SLC35F1: variants seen among roughly 807,000 people sequenced by gnomAD.
SLC35F1 encodes chromosome 6 open reading frame 169.
Under a neutral mutation model 48.7 loss-of-function variants are expected in SLC35F1, and 14 were observed. The observed-to-expected ratio is 0.29, with a 90% CI of 0.19 to 0.45. The LOEUF is 0.45. Among genes scored for constraint, SLC35F1 ranks in the 20% least tolerant of loss-of-function variants. SLC35F1 has a pLI of 1.00. For synonymous variants in SLC35F1, 190 were observed against 202.2 expected, an observed-to-expected ratio of 0.94 and a Z score of 0.51; for missense variants, 404 against 500.0, an observed-to-expected ratio of 0.81 and a Z score of 1.83.
chr6:118,229,572 T>C (rs1775262583), intron 2 of SLC35F1, among the ~76,000 whole-genome samples: 2 of 152,120 alleles, frequency 1.3e-5, no homozygotes, highest in South Asian at 4.1e-4. Flanking sequence ...CAAAAGAAAA[T>C]ATTGCAATGC....
At chr6:118,017,718 G>A (rs115017178) in intron 1 of SLC35F1, among the ~76,000 whole-genome samples, 229 of 152,262 alleles carry the variant, frequency 1.5e-3, no homozygotes, top group African/African-American at 5.3e-3. Flanking sequence ...TCTAAGTTAA[G>A]TTCCCTTTTA....
chr6:118,106,292 A>G (rs903337124), intron 1 of SLC35F1, among the ~76,000 whole-genome samples: 2 of 152,020 alleles, frequency 1.3e-5, no homozygotes, highest in Non-Finnish European at 1.5e-5. Flanking sequence ...TGTATACTCA[A>G]TGTCTTTCTT....
intron 3 of SLC35F1, among the ~76,000 whole-genome samples, chr6:118,262,348 A>G (rs562023012): frequency 2.6e-5 from 4 of 152,274 alleles, no homozygotes; most frequent in Non-Finnish European, 5.9e-5. Context: ...ATTAAAGGCC[A>G]CAGAGAAAGG....
chr6:118,220,159 A>G (rs1775128444), intron 2 of SLC35F1, among the ~76,000 whole-genome samples: 1 of 152,186 alleles, frequency 6.6e-6, no homozygotes, highest in Non-Finnish European at 1.5e-5. Flanking sequence ...TAGAACTTAA[A>G]GTATAATAAT....
At chr6:118,203,153 C>T (rs540028346) in intron 2 of SLC35F1, among the ~76,000 whole-genome samples, 1 of 152,334 alleles carries the variant, frequency 6.6e-6, no homozygotes, top group South Asian at 2.1e-4. Flanking sequence ...GTTCTCTCCT[C>T]ATATTCACTC....
intron 1 of SLC35F1, among the ~76,000 whole-genome samples, chr6:118,028,953 C>T (rs925630762): frequency 6.6e-6 from 1 of 151,872 alleles, no homozygotes; most frequent in Non-Finnish European, 1.5e-5. Flanking sequence ...AATAGTCTCT[C>T]CAAGAACAAG....
At chr6:118,116,818 T>A (rs149014883) in intron 1 of SLC35F1, among the ~76,000 whole-genome samples, 50 of 152,302 alleles carry the variant, frequency 3.3e-4, no homozygotes, top group African/African-American at 1.1e-3. Context: ...AAACTGCAGA[T>A]AGGAGACCAT....
intron 1 of SLC35F1, among the ~76,000 whole-genome samples, chr6:118,118,233 T>G (rs537659762): frequency 6.6e-6 from 1 of 152,344 alleles, no homozygotes; most frequent in Admixed American, 6.5e-5. Flanking sequence ...TAATACTCAC[T>G]GTCATCAGTC....
At chr6:118,115,583 C>T (rs1773466723) in intron 1 of SLC35F1, among the ~76,000 whole-genome samples, 1 of 152,172 alleles carries the variant, frequency 6.6e-6, no homozygotes. Context: ...AGGGTGCATT[C>T]TTTGTGCCAC....
intron 1 of SLC35F1, among the ~76,000 whole-genome samples, chr6:118,006,265 G>GA (rs1342438069): frequency 6.6e-6 from 1 of 152,008 alleles, no homozygotes; most frequent in Non-Finnish European, 1.5e-5. Context: ...ACAAATGTCT[G>GA]AAAAAATGTC....
intron 1 of SLC35F1, among the ~76,000 whole-genome samples, chr6:117,917,346 T>G (rs991797955): frequency 3.3e-5 from 5 of 150,786 alleles, no homozygotes; most frequent in Non-Finnish European, 5.9e-5. Flanking sequence ...AGCAGAGGAG[T>G]TGTCTGGCTA....
intron 2 of SLC35F1, among the ~76,000 whole-genome samples, chr6:118,202,120 A>G (rs548914574): frequency 2.6e-5 from 4 of 152,190 alleles, no homozygotes; most frequent in Admixed American, 6.5e-5. Flanking sequence ...TTTCTTGGGT[A>G]TATACCTAGG....
rs769594257 is a variant in SLC35F1, at chr6:118,169,488, C to T, written c.349+14868C>T. Among the ~76,000 whole-genome samples, 68 of 152,126 alleles carry T rather than the reference C, an allele frequency of 4.5e-4. 1 individual carries two copies. The highest frequency in any genetic ancestry group is 8.8e-5 in the Non-Finnish European group (6 of 68,014). ...AACATATTGACTGATGCATAGTTGT[C>T]GTCAGTTAAATTTCATGATGATCTA... On this transcript the variant is annotated intron_variant, in intron 2 of 7. Coordinates refer to ENST00000360388, the MANE Select transcript of SLC35F1 (RefSeq NM_001029858.4).
intron 2 of SLC35F1, among the ~76,000 whole-genome samples, chr6:118,233,727 G>A (rs1414715382): frequency 6.6e-6 from 1 of 152,188 alleles, no homozygotes; most frequent in Non-Finnish European, 1.5e-5. Flanking sequence ...AGATGGATGT[G>A]CATTACCCAG....
At chr6:118,272,737 G>GTGTATATATATATATATATATA (rs201515909) in intron 4 of SLC35F1, among the ~76,000 whole-genome samples, 1 of 120,250 alleles carries the variant, frequency 8.3e-6, no homozygotes, top group African/African-American at 3.2e-5. Context: ...ATATGTGTGT[G>GTGTATATATATATATATATATA]TATATATATA....
intron 7 of SLC35F1, among the ~76,000 whole-genome samples, chr6:118,298,374 G>C (rs1776217329): frequency 6.6e-6 from 1 of 151,838 alleles, no homozygotes; most frequent in Non-Finnish European, 1.5e-5. Context: ...TACATTCATA[G>C]GTCATCTTGA....
At position 118,169,489 on chromosome 6, in the gene SLC35F1, G is replaced by A. The variant is rs74635870; in HGVS notation, c.349+14869G>A. ...ACATATTGACTGATGCATAGTTGTCGTCAGTTAAATTTCATGATGATCTAT... is the reference window on the plus strand; with the variant it reads ...ACATATTGACTGATGCATAGTTGTCATCAGTTAAATTTCATGATGATCTAT... On this transcript the variant is annotated intron_variant, in intron 2 of 7. Transcript: ENST00000360388. 4.8e-3 allele frequency among the ~76,000 whole-genome samples: 726 copies of A among 152,172 alleles called. 3 individuals carry two copies. The highest frequency in any genetic ancestry group is 0.016 in the African/African-American group (683 of 41,512).
intron 1 of SLC35F1, among the ~76,000 whole-genome samples, chr6:118,121,615 A>T: frequency 6.6e-6 from 1 of 152,214 alleles, no homozygotes. Context: ...CATTTAATGT[A>T]AATGTTTACT....
chr6:117,924,486 G>GTATATACATATGTATATACGTATATACA lies in SLC35F1; in HGVS notation c.173+16594_173+16621dup, dbSNP rs1554216925. 7.8e-4 allele frequency among the ~76,000 whole-genome samples: 14 copies of GTATATACATATGTATATACGTATATACA among 17,882 alleles called. 2 individuals are homozygous for GTATATACATATGTATATACGTATATACA. The highest frequency in any genetic ancestry group is 1.6e-3 in the African/African-American group (13 of 8,068). 11.7% of individuals were successfully genotyped at this position (17,882 alleles called of 152,430 possible). On this transcript the variant is annotated intron_variant, in intron 1 of 7. Coordinates refer to ENST00000360388, the MANE Select transcript of SLC35F1 (RefSeq NM_001029858.4). ...TGTACATATATACATATGTATATAC[G>GTATATACATATGTATATACGTATATACA]TATATACATATGTATATACGTATAT...
Sources: allele counts gnomAD v4.1 joint callset (sites outside exome capture counted in the v4.1 genomes callset), GRCh38; gene constraint gnomAD v4.1.1; transcripts MANE v1.5; gene names NCBI Gene and HGNC (gene_info 2026-07-23, HGNC 2026-07-21).